The following ZNF469 variants were observed in gnomAD, a reference collection of about 807,000 sequenced individuals.
The protein encoded by ZNF469 is zinc finger protein 469.
ZNF469 carries 1 observed loss-of-function variant against 1.0 expected under a neutral mutation model. The observed-to-expected ratio is 1.00, with a 90% CI of 0.35 to 4.73. ZNF469 has a LOEUF of 4.73. Ranked by LOEUF, ZNF469 falls within the 30% of genes most tolerant of loss-of-function variation. The pLI is 0.16. For missense variants in ZNF469, 6,100 were observed against 5,356.3 expected (o/e 1.14, Z -4.33); for synonymous variants, 2,703 against 2,363.4 (o/e 1.14, Z -4.17).
chr16:88,272,493 GAT>G, the ZNF469 span, among the ~76,000 whole-genome samples: 1 of 145,576 alleles, frequency 6.9e-6, no homozygotes, highest in Non-Finnish European at 1.5e-5. Flanking sequence ...TAGATGAGTG[GAT>G]AGATGAATGA....
the ZNF469 span, among the ~76,000 whole-genome samples, chr16:88,219,597 A>G: frequency 1.3e-5 from 2 of 150,032 alleles, no homozygotes; most frequent in East Asian, 3.9e-4. Context: ...TCCCTTCCTT[A>G]CACCTTATAC....
chr16:88,425,445 G>T (rs1384782230), intron 2 of ZNF469, among the ~76,000 whole-genome samples: 2 of 133,208 alleles, frequency 1.5e-5, no homozygotes, highest in African/African-American at 6.8e-5. Context: ...GCTAAGCCCA[G>T]TGCAGGGCAG....
At chr16:88,104,096 G>C in the ZNF469 span, among the ~76,000 whole-genome samples, 1 of 151,910 alleles carries the variant, frequency 6.6e-6, no homozygotes, top group African/African-American at 2.4e-5. Flanking sequence ...AGCCCCGCAA[G>C]GCAAACAGTG....
intron 1 of ZNF469, among the ~76,000 whole-genome samples, chr16:88,409,874 G>C (rs1597196831): frequency 6.9e-6 from 1 of 144,232 alleles, no homozygotes; most frequent in Non-Finnish European, 1.5e-5. Flanking sequence ...GCCGGGGGGG[G>C]GGGGGGGGGG....
In ZNF469 at chr16:88,439,629, G is replaced by T. The variant is rs1906862537; in HGVS notation, c.*297G>T. ...GAAGAGACAGCAGCCCATCCCCTCA[G>T]CCCACACCCCTGCGCCCTGTGGGCA... On this transcript the variant is annotated 3_prime_UTR_variant, in exon 3 of 3. Transcript: ENST00000565624. The T allele has an allele frequency of 6.6e-6, 3 of 456,648 alleles. No homozygotes were observed. The allele number at this position is 456,648 out of a possible 1,614,324, so 28.3% of individuals were successfully genotyped here. A position where few individuals can be genotyped will look rare whatever the true frequency, so the allele number is the denominator to read the frequency against.
chr16:88,416,873 G>A (rs1249029047), intron 1 of ZNF469, among the ~76,000 whole-genome samples: 1 of 152,192 alleles, frequency 6.6e-6, no homozygotes, highest in Non-Finnish European at 1.5e-5. Context: ...CTCCTCTTGG[G>A]GGACCAGAGC....
At chr16:88,167,119 T>C in the ZNF469 span, among the ~76,000 whole-genome samples, 2 of 143,088 alleles carry the variant, frequency 1.4e-5, no homozygotes, top group Non-Finnish European at 3.0e-5. Context: ...TGGAGTGCAG[T>C]GGTGTGATCT....
the ZNF469 span, among the ~76,000 whole-genome samples, chr16:88,231,420 G>A: frequency 2.2e-4 from 33 of 152,360 alleles, no homozygotes; most frequent in African/African-American, 7.7e-4. The surrounding 1 kb of genome is among the most constrained non-coding windows in gnomAD (Gnocchi z 4.5). Flanking sequence ...ACAGAGGACA[G>A]GTGTGTCAGT....
At chr16:88,242,027 A>G in the ZNF469 span, among the ~76,000 whole-genome samples, 1 of 152,180 alleles carries the variant, frequency 6.6e-6, no homozygotes, top group Admixed American at 6.5e-5. Context: ...CGAGACTGTT[A>G]AAGGCTGAGC....
chr16:88,347,920 G>T, the ZNF469 span, among the ~76,000 whole-genome samples: 8 of 152,228 alleles, frequency 5.3e-5, no homozygotes, highest in African/African-American at 1.4e-4. Flanking sequence ...TGAGGAGGAG[G>T]ATCTCAGACC....
At chr16:88,184,152 C>T in the ZNF469 span, among the ~76,000 whole-genome samples, 1 of 152,068 alleles carries the variant, frequency 6.6e-6, no homozygotes, top group African/African-American at 2.4e-5. Context: ...ACGACCCTCA[C>T]ATCCCAGGGA....
the ZNF469 span, among the ~76,000 whole-genome samples, chr16:88,274,559 G>C: frequency 2.0e-5 from 3 of 152,104 alleles, no homozygotes; most frequent in Admixed American, 1.3e-4. Flanking sequence ...GCTGGTGTCC[G>C]GGCGGGGCCC....
chr16:88,273,377 T>G, the ZNF469 span, among the ~76,000 whole-genome samples: 3 of 151,944 alleles, frequency 2.0e-5, no homozygotes, highest in African/African-American at 7.2e-5. Context: ...TTTTACAAAG[T>G]CGTGCACATG....
chr16:88,418,965 C>T (rs571456481), intron 1 of ZNF469, among the ~76,000 whole-genome samples: 2 of 152,230 alleles, frequency 1.3e-5, no homozygotes, highest in South Asian at 2.1e-4. Context: ...CTGGGCTGCT[C>T]GGCTCCACCA....
At chr16:88,414,223 TG>T (rs1416306002) in intron 1 of ZNF469, among the ~76,000 whole-genome samples, 1 of 152,194 alleles carries the variant, frequency 6.6e-6, no homozygotes, top group Non-Finnish European at 1.5e-5. Context: ...GGATTCAGGC[TG>T]CTCCCTGCAG....
the ZNF469 span, among the ~76,000 whole-genome samples, chr16:88,102,781 C>T: frequency 1.3e-5 from 2 of 152,272 alleles, no homozygotes; most frequent in African/African-American, 2.4e-5. Context: ...GGGTCACTTG[C>T]TACCAAGGCG....
chr16:88,272,514 G>C, the ZNF469 span, among the ~76,000 whole-genome samples: 3 of 150,816 alleles, frequency 2.0e-5, no homozygotes, highest in African/African-American at 7.3e-5. Context: ...GAACAGGGGG[G>C]TGTATGGATA....
chr16:88,381,422 TCTCA>T (rs1362504375), upstream of ZNF469, among the ~76,000 whole-genome samples: 1 of 150,030 alleles, frequency 6.7e-6, no homozygotes, highest in African/African-American at 2.4e-5. Context: ...ACATGCACTC[TCTCA>T]CACACACACA....
At chr16:88,269,251 T>C in the ZNF469 span, among the ~76,000 whole-genome samples, 1 of 150,986 alleles carries the variant, frequency 6.6e-6, no homozygotes, top group South Asian at 2.1e-4. Flanking sequence ...CCTTAGCTTC[T>C]TTCCCTGCAA....
Sources: gnomAD v4.1 joint callset for allele counts (sites outside exome capture counted in the v4.1 genomes callset) on GRCh38, gnomAD v4.1.1 for gene constraint, Gnocchi (gnomAD v3.1) non-coding constraint, MANE v1.5 for transcripts, NCBI Gene and HGNC (gene_info 2026-07-23, HGNC 2026-07-21) for gene names.